RASA2: variants seen among roughly 807,000 people sequenced by gnomAD.
The protein encoded by RASA2 is ras GTPase-activating protein 2.
RASA2 carries 155 observed loss-of-function variants against 118.2 expected under a neutral mutation model. The observed-to-expected ratio is 1.31, with a 90% CI of 1.15 to 1.50. The LOEUF is 1.50. RASA2 is among the 40% of genes most tolerant of loss of function. The pLI, the probability that RASA2 is intolerant of heterozygous loss-of-function variation, is 0.00. For synonymous variants in RASA2, 353 were observed against 349.1 expected (o/e 1.01, Z -0.12); for missense variants, 1,016 against 1,009.6 (o/e 1.01, Z -0.09).
chr3:141,609,342 C>T, intron 21 of RASA2, 78 bp from the exon 22 acceptor site: 1 of 842,346 alleles, frequency 1.2e-6, no homozygotes, highest in Non-Finnish European at 1.7e-6. Flanking sequence ...TATTTTTAGT[C>T]TCAAACCATC....
rs2082707569 is a variant in RASA2, at chr3:141,559,980, C to T, written c.848C>T (p.Ser283Phe). ...KVPVNVLRTD[S>F]SHQAWYLLQP... ...CCTGTGAACGTATTAAGAACTGATT[C>T]CTCTCATCAAGCCTGGTAAGGGCCC... The change falls in exon 9 of 24, where the codon TCC becomes TTC. Residue 283 changes from serine (S) to phenylalanine (F), a missense_variant. Coordinates refer to ENST00000286364, the MANE Select transcript of RASA2 (RefSeq NM_006506.5). 6.2e-7 allele frequency: 1 copy of T among 1,612,714 alleles called. No individual in the cohort carries two copies. The highest frequency in any genetic ancestry group is 8.5e-7 in the Non-Finnish European group (1 of 1,178,960).
chr3:141,593,603 C>T (rs2083318949), intron 19 of RASA2, among the ~76,000 whole-genome samples: 1 of 152,114 alleles, frequency 6.6e-6, no homozygotes, highest in South Asian at 2.1e-4. Flanking sequence ...TAGTGAAAAG[C>T]AATAACTGAA....
At chr3:141,568,033 G>A (rs1410993641) in intron 9 of RASA2, among the ~76,000 whole-genome samples, 1 of 152,090 alleles carries the variant, frequency 6.6e-6, no homozygotes, top group African/African-American at 2.4e-5. Flanking sequence ...AAATTTTAAT[G>A]TTTGCTGTTT....
intron 19 of RASA2, among the ~76,000 whole-genome samples, chr3:141,604,555 C>T (rs943549871): frequency 6.6e-6 from 1 of 152,014 alleles, no homozygotes; most frequent in Non-Finnish European, 1.5e-5. Flanking sequence ...TTTCTTTTAC[C>T]TTTTTACATT....
Position 141,608,571 on chromosome 3 carries a change from T to C in RASA2, c.2099T>C (p.Leu700Pro). ...CVEANEWIDV[L>P]CRVSRCNQNR... ...GAAGCTAATGAATGGATAGACGTAC[T>C]CTGCAGGGTGAGCCGATGCAATCAA... Residue 700 changes from leucine (L) to proline (P), a missense_variant, in exon 21 of 24, where the codon CTC (leucine) becomes CCC (proline). Leu to Pro is a moderately conservative substitution (Grantham distance 98). Coordinates refer to ENST00000286364, the MANE Select transcript of RASA2 (RefSeq NM_006506.5). 6.2e-7 allele frequency: 1 copy of C among 1,613,990 alleles called. No homozygotes were observed. The highest frequency in any genetic ancestry group is 8.5e-7 in the Non-Finnish European group (1 of 1,179,890).
chr3:141,490,864 GGTT>G lies in RASA2; in HGVS notation c.133+3652_133+3654del, dbSNP rs199578692. ...GGATAGTAAAAATACCTATCTCACG[GGTT>G]GTTATGAGGTTTAAATAAGCCTCCC... On this transcript the variant is annotated intron_variant, in intron 1 of 23. Coordinates refer to ENST00000286364, the MANE Select transcript of RASA2 (RefSeq NM_006506.5). Among the ~76,000 whole-genome samples, 23 of 152,268 alleles carry G rather than the reference GGTT, an allele frequency of 1.5e-4. No homozygotes were observed. In the East Asian group the frequency reaches 4.4e-3, roughly 29 times the overall value.
Position 141,516,324 on chromosome 3 carries a change from C to A in RASA2, c.252-4C>A, listed in dbSNP as rs760239894. On this transcript the variant is annotated splice_polypyrimidine_tract_variant and splice_region_variant and intron_variant, in intron 2 of 23. Coordinates refer to ENST00000286364, the MANE Select transcript of RASA2 (RefSeq NM_006506.5). ...GAAGTAATGAGCTTTCCTTTTCTTT[C>A]TAGCCCATTTTTCAGTGAAGAATTT... 1.3e-6 allele frequency: 2 copies of A among 1,544,176 alleles called. No individual in the cohort carries two copies. Among genetic ancestry groups the A allele is most frequent in the Middle Eastern group, 3.7e-4 (2 of 5,462 alleles).
intron 3 of RASA2, among the ~76,000 whole-genome samples, chr3:141,529,271 T>G (rs892963765): frequency 2.0e-5 from 3 of 152,138 alleles, no homozygotes; most frequent in Non-Finnish European, 4.4e-5. Flanking sequence ...CCTTTTCTCT[T>G]AATTGGAATT....
At position 141,545,147 on chromosome 3, in the gene RASA2, AG is replaced by A. The variant is rs369785307; in HGVS notation, c.527+4539del. Among the ~76,000 whole-genome samples, 1,126 of 152,288 alleles carry A rather than the reference AG, an allele frequency of 7.4e-3. 15 individuals carry two copies. The highest frequency in any genetic ancestry group is 0.026 in the African/African-American group (1,061 of 41,554). ...ATGTACCCCTGAACTTAAGTTAAAA[AG>A]AAATTGCTCATTGAATTATTTTTAT... On this transcript the variant is annotated intron_variant, in intron 5 of 23. Coordinates refer to ENST00000286364, the MANE Select transcript of RASA2 (RefSeq NM_006506.5).
At chr3:141,509,610 T>C (rs563554896) in intron 1 of RASA2, among the ~76,000 whole-genome samples, 1 of 152,158 alleles carries the variant, frequency 6.6e-6, no homozygotes, top group Admixed American at 6.5e-5. Context: ...TAAAAAAAAG[T>C]CTAAATTATG....
intron 19 of RASA2, among the ~76,000 whole-genome samples, chr3:141,602,453 ATGCT>A (rs2083479013): frequency 6.6e-6 from 1 of 152,166 alleles, no homozygotes; most frequent in Admixed American, 6.5e-5. Flanking sequence ...TCAGGTAGTA[ATGCT>A]TGCTTGCCCA....
rs746980482 is a variant in RASA2 at position 141,612,351 on chromosome 3, AT to A, written c.*43del. On this transcript the variant is annotated 3_prime_UTR_variant, in exon 24 of 24. Coordinates refer to ENST00000286364, the MANE Select transcript of RASA2 (RefSeq NM_006506.5). ...TGGTTCAGAAGAACTGGAAAATATTATTTTTCTTGGAGCTTTTCAATTCATC... is the reference window on the plus strand; with the variant it reads ...TGGTTCAGAAGAACTGGAAAATATTATTTTCTTGGAGCTTTTCAATTCATC... 1 of 1,507,746 alleles carries A rather than the reference AT, an allele frequency of 6.6e-7. No individual in the cohort carries two copies. Among genetic ancestry groups the A allele is most frequent in the Non-Finnish European group, 9.1e-7 (1 of 1,102,874 alleles). The allele number at this position is 1,507,746 out of a possible 1,614,324, so 93.4% of individuals were successfully genotyped here.
In RASA2 at chr3:141,607,668, T is replaced by TA; in HGVS notation, c.1934-9dup. 1 of 1,563,218 alleles carries TA rather than the reference T, an allele frequency of 6.4e-7. No individual in the cohort carries two copies. Among genetic ancestry groups the TA allele is most frequent in the Admixed American group, 2.1e-5 (1 of 48,440 alleles). On this transcript the variant is annotated splice_polypyrimidine_tract_variant and intron_variant, in intron 19 of 23. Coordinates refer to ENST00000286364, the MANE Select transcript of RASA2 (RefSeq NM_006506.5). ...TACTTTAATTTTGTTTTACTTTTTT[T>TA]ATTATTTAGGCAAAGATGCAATCTA...
intron 19 of RASA2, among the ~76,000 whole-genome samples, chr3:141,592,126 C>T (rs911329485): frequency 4.3e-4 from 65 of 151,902 alleles, no homozygotes; most frequent in Non-Finnish European, 4.9e-4. Context: ...AAAAAAGAAG[C>T]AGGGACAAGG....
intron 4 of RASA2, 75 bp from the exon 5 acceptor site, chr3:141,540,457 AT>A (rs2151102142): frequency 4.1e-6 from 5 of 1,224,418 alleles, no homozygotes; most frequent in South Asian, 3.8e-5. Context: ...TACTGTGGTG[AT>A]TTGAAAAGGC....
At chr3:141,599,343 G>A (rs1028244049) in intron 19 of RASA2, among the ~76,000 whole-genome samples, 2 of 149,972 alleles carry the variant, frequency 1.3e-5, no homozygotes, top group African/African-American at 4.9e-5. Flanking sequence ...TGGGACTACA[G>A]TCAATGATTA....
At chr3:141,579,935 A>G (rs1413905892) in intron 15 of RASA2, among the ~76,000 whole-genome samples, 1 of 151,254 alleles carries the variant, frequency 6.6e-6, no homozygotes, top group Non-Finnish European at 1.5e-5. Flanking sequence ...AGGCACCTGC[A>G]ATCCCAGCTA....
At chr3:141,607,456 ATAT>A (rs1302245709) in intron 19 of RASA2, among the ~76,000 whole-genome samples, 1 of 152,088 alleles carries the variant, frequency 6.6e-6, no homozygotes, top group Non-Finnish European at 1.5e-5. Context: ...AAATGTTTTA[ATAT>A]TATATGGCAA....
chr3:141,601,783 C>T (rs2083468425), intron 19 of RASA2, among the ~76,000 whole-genome samples: 1 of 152,112 alleles, frequency 6.6e-6, no homozygotes, highest in South Asian at 2.1e-4. Flanking sequence ...AATTTCTCCC[C>T]TTTTTCTTCT....
Sources: gnomAD v4.1 joint callset for allele counts (sites outside exome capture counted in the v4.1 genomes callset) on GRCh38, gnomAD v4.1.1 for gene constraint, MANE v1.5 for transcripts, NCBI Gene and HGNC (gene_info 2026-07-23, HGNC 2026-07-21) for gene names.